Variants in C12orf56 observed in about 807,000 individuals in gnomAD.
The protein encoded by C12orf56 is chromosome 12 open reading frame 56.
Under a neutral mutation model 69.9 loss-of-function variants are expected in C12orf56, and 71 were observed. That is an observed-to-expected ratio of 1.02 (90% CI 0.84 to 1.24). The LOEUF (loss-of-function observed/expected upper bound fraction) is 1.24, where lower values mean the gene tolerates loss of function less well. Ranked by LOEUF, C12orf56 falls within the 50% of genes most tolerant of loss-of-function variation. The probability of loss-of-function intolerance (pLI) is 0.00; values close to 1 mark genes in which losing one functional copy is unlikely to be tolerated. For synonymous variants in C12orf56, 276 were observed against 274.1 expected, an observed-to-expected ratio of 1.01 and a Z score of -0.07; for missense variants, 732 against 738.5, an observed-to-expected ratio of 0.99 and a Z score of 0.10.
chr12:64,341,713 G>A (rs1055715733), intron 2 of C12orf56, among the ~76,000 whole-genome samples: 1 of 152,136 alleles, frequency 6.6e-6, no homozygotes, highest in East Asian at 1.9e-4. Context: ...TTCTGATGAG[G>A]ACAAACCTCT....
chr12:64,324,616 C>T lies in C12orf56; in HGVS notation c.489-5636G>A, dbSNP rs528600420. 3.3e-4 allele frequency among the ~76,000 whole-genome samples: 51 copies of T among 152,300 alleles called. 1 individual carries two copies. Among genetic ancestry groups the T allele is most frequent in the Middle Eastern group, 6.8e-3 (2 of 294 alleles). On this transcript the variant is annotated intron_variant, in intron 3 of 12. Transcript: ENST00000543942. ...GAGGTGAAGCTGGAGCGGTAGGCAACGGCCAGTTCTTGCTGGGATGTCTAG... is the reference window on the plus strand; with the variant it reads ...GAGGTGAAGCTGGAGCGGTAGGCAATGGCCAGTTCTTGCTGGGATGTCTAG...
At chr12:64,388,030 C>T (rs1426536833) in intron 1 of C12orf56, among the ~76,000 whole-genome samples, 3 of 152,142 alleles carry the variant, frequency 2.0e-5, no homozygotes, top group East Asian at 1.9e-4. Flanking sequence ...AGTGCAACGG[C>T]GCCATCTCAG....
chr12:64,390,339 A>G lies in C12orf56; in HGVS notation c.227T>C (p.Leu76Pro). 6.2e-7 allele frequency: 1 copy of G among 1,611,454 alleles called. No individual in the cohort carries two copies. Among genetic ancestry groups the G allele is most frequent in the Non-Finnish European group, 8.5e-7 (1 of 1,179,382 alleles). Reference sequence around the variant, plus strand: ...CAGGTCAATGGCCACGACGTCCCGCAGAGCCACTACCCGCCGGATGGACTT... The same window carrying G: ...CAGGTCAATGGCCACGACGTCCCGCGGAGCCACTACCCGCCGGATGGACTT... ...PPKSIRRVVA[L>P]RDVVAIDLID... Residue 76 changes from leucine (L) to proline (P), a missense_variant, in exon 1 of 13, where the codon CTG (leucine) becomes CCG (proline). By Grantham distance (98) the Leu-to-Pro change is moderately conservative (BLOSUM62 -3). Transcript: ENST00000543942.
intron 6 of C12orf56, among the ~76,000 whole-genome samples, chr12:64,297,849 T>G (rs1226773844): frequency 6.6e-6 from 1 of 152,226 alleles, no homozygotes; most frequent in Admixed American, 6.5e-5. Flanking sequence ...TAAACATACA[T>G]GTGCATGTGT....
chr12:64,314,810 A>G (rs1211084786), intron 4 of C12orf56, among the ~76,000 whole-genome samples: 2 of 144,866 alleles, frequency 1.4e-5, no homozygotes, highest in African/African-American at 2.6e-5. Flanking sequence ...AATTTTTTCT[A>G]TTTTTTAGTA....
chr12:64,284,457 C>A (rs1323299535), intron 8 of C12orf56, among the ~76,000 whole-genome samples: 1 of 152,134 alleles, frequency 6.6e-6, no homozygotes, highest in East Asian at 1.9e-4. Context: ...ATCTTTGTAC[C>A]CTTAATAATC....
chr12:64,362,802 A>T (rs1239289611), intron 1 of C12orf56, among the ~76,000 whole-genome samples: 2 of 152,162 alleles, frequency 1.3e-5, no homozygotes, highest in Non-Finnish European at 2.9e-5. Flanking sequence ...TGGATTATTC[A>T]TGAGTTTTCT....
intron 1 of C12orf56, among the ~76,000 whole-genome samples, chr12:64,381,990 G>C (rs769451605): frequency 6.6e-6 from 1 of 152,074 alleles, no homozygotes; most frequent in Non-Finnish European, 1.5e-5. Flanking sequence ...AGCAGGGCGC[G>C]GTGGCTCACG....
Position 64,277,811 on chromosome 12 carries a change from AAAAT to A in C12orf56, c.1311-12_1311-9del, listed in dbSNP as rs752894240. Reference sequence around the variant, plus strand: ...AGATTAAATAGTGCTCCCCTGGAAAAAAATAAATAAAAGGCAATTAGTGAGCAAA... The same window carrying A: ...AGATTAAATAGTGCTCCCCTGGAAAAAAATAAAAGGCAATTAGTGAGCAAA... On this transcript the variant is annotated splice_polypyrimidine_tract_variant and intron_variant, in intron 8 of 12. Transcript: ENST00000543942. 1.3e-6 allele frequency: 2 copies of A among 1,532,702 alleles called. No individual in the cohort carries two copies. The highest frequency in any genetic ancestry group is 1.8e-6 in the Non-Finnish European group (2 of 1,138,134). 94.9% of individuals were successfully genotyped at this position (1,532,702 alleles called of 1,614,324 possible). A position where few individuals can be genotyped will look rare whatever the true frequency, so the allele number is the denominator to read the frequency against.
chr12:64,298,664 C>G (rs988422745), intron 6 of C12orf56, among the ~76,000 whole-genome samples: 1 of 152,168 alleles, frequency 6.6e-6, no homozygotes, highest in African/African-American at 2.4e-5. Flanking sequence ...TTGTTTGTGT[C>G]AGGTTTGTCA....
At chr12:64,331,368 G>C (rs930350133) in intron 2 of C12orf56, among the ~76,000 whole-genome samples, 5 of 152,136 alleles carry the variant, frequency 3.3e-5, no homozygotes, top group Non-Finnish European at 7.3e-5. Context: ...GAGTGTGGTG[G>C]TGTGCATCTG....
Position 64,318,778 on chromosome 12 carries a change from G to C in C12orf56, c.691C>G (p.Pro231Ala), listed in dbSNP as rs2038726178. The change falls in exon 4 of 13, where the codon CCA becomes GCA. Residue 231 changes from proline (P) to alanine (A), a missense_variant. Pro to Ala is a conservative substitution (Grantham distance 27). Coordinates refer to ENST00000543942, the MANE Select transcript of C12orf56 (RefSeq NM_001170633.2). ...TTNTKEPQGL[P>A]DHNSISEIPF... ...ATTTCACTTATGGAGTTGTGATCTGGAAGTCCCTGGGGTTCTTTTGTGTTT... is the reference window on the plus strand; with the variant it reads ...ATTTCACTTATGGAGTTGTGATCTGCAAGTCCCTGGGGTTCTTTTGTGTTT... 1.3e-6 allele frequency: 2 copies of C among 1,529,538 alleles called. No individual in the cohort carries two copies. The highest frequency in any genetic ancestry group is 4.9e-5 in the East Asian group (2 of 40,824). The allele number at this position is 1,529,538 out of a possible 1,614,324, so 94.7% of individuals were successfully genotyped here. A position where few individuals can be genotyped will look rare whatever the true frequency, so the allele number is the denominator to read the frequency against.
At chr12:64,316,380 G>A (rs997060273) in intron 4 of C12orf56, among the ~76,000 whole-genome samples, 6 of 152,112 alleles carry the variant, frequency 3.9e-5, no homozygotes, top group African/African-American at 1.4e-4. Context: ...TTATGGGCAT[G>A]AGGCACCACG....
At chr12:64,375,077 A>T (rs930406766) in intron 1 of C12orf56, among the ~76,000 whole-genome samples, 16 of 150,702 alleles carry the variant, frequency 1.1e-4, no homozygotes, top group Non-Finnish European at 1.6e-4. Flanking sequence ...TTATTTATTT[A>T]TTTATTTTTT....
chr12:64,283,722 T>C (rs1163491356), intron 8 of C12orf56, among the ~76,000 whole-genome samples: 1 of 151,432 alleles, frequency 6.6e-6, no homozygotes, highest in Non-Finnish European at 1.5e-5. Context: ...AATGAAGTCA[T>C]CAAGGTCAGC....
intron 6 of C12orf56, among the ~76,000 whole-genome samples, chr12:64,296,592 C>T (rs1411555865): frequency 1.3e-5 from 2 of 152,100 alleles, no homozygotes; most frequent in Non-Finnish European, 2.9e-5. Context: ...TGAGTTGATG[C>T]TGGAATGAAT....
At chr12:64,342,424 TC>T (rs987650014) in intron 2 of C12orf56, among the ~76,000 whole-genome samples, 8 of 152,198 alleles carry the variant, frequency 5.3e-5, no homozygotes, top group African/African-American at 1.9e-4. Context: ...TGCAGAACCA[TC>T]TGTGAACCAG....
At chr12:64,330,847 A>T in intron 3 of C12orf56, 113 bp downstream of exon 3, 1 of 794,992 alleles carries the variant, frequency 1.3e-6, no homozygotes, top group Non-Finnish European at 2.0e-6. Flanking sequence ...ATGTAAGATT[A>T]ATAGAACTCA....
At chr12:64,282,458 T>C (rs1017799793) in intron 8 of C12orf56, among the ~76,000 whole-genome samples, 2 of 152,190 alleles carry the variant, frequency 1.3e-5, no homozygotes, top group African/African-American at 4.8e-5. Context: ...TTTACAGAAA[T>C]GTTTGCCCAC....
Sources: allele counts gnomAD v4.1 joint callset (sites outside exome capture counted in the v4.1 genomes callset), GRCh38; gene constraint gnomAD v4.1.1; transcripts MANE v1.5; gene names NCBI Gene and HGNC (gene_info 2026-07-23, HGNC 2026-07-21).